PABPC1: variants seen among roughly 807,000 people sequenced by gnomAD.
PABPC1 encodes the protein poly(A) binding protein cytoplasmic 1, also known as polyadenylate-binding protein 1.
Under a neutral mutation model 74.0 loss-of-function variants are expected in PABPC1, and 4 were observed. That is an observed-to-expected ratio of 0.05 (90% CI 0.03 to 0.12). PABPC1 has a LOEUF of 0.12. PABPC1 is among the 10% of genes least tolerant of loss of function. The pLI, the probability that PABPC1 is intolerant of heterozygous loss-of-function variation, is 1.00. For missense variants in PABPC1, 271 were observed against 821.1 expected (o/e 0.33, Z 8.19); for synonymous variants, 227 against 264.1 (o/e 0.86, Z 1.36).
chr8:100,705,151 T>A, intron 12 of PABPC1, 95 bp from the exon 13 acceptor site: 1 of 959,572 alleles, frequency 1.0e-6, no homozygotes, highest in Non-Finnish European at 1.6e-6. Flanking sequence ...GAACCATACT[T>A]CTGTCTCACG....
intron 1 of PABPC1, among the ~76,000 whole-genome samples, chr8:100,718,987 T>C (rs1402802977): frequency 3.9e-5 from 6 of 152,222 alleles, no homozygotes; most frequent in African/African-American, 7.2e-5. Context: ...GAAATCACCA[T>C]TAACGCTCTC....
At chr8:100,705,475 T>C in intron 12 of PABPC1, 114 bp downstream of exon 12, 1 of 743,492 alleles carries the variant, frequency 1.3e-6, no homozygotes, top group Admixed American at 2.0e-5. Context: ...TAATCATTCA[T>C]GCCAATTCAG....
chr8:100,712,583 T>A (rs1810556430), intron 6 of PABPC1, 69 bp downstream of exon 6: 1 of 1,554,462 alleles, frequency 6.4e-7, no homozygotes, highest in Admixed American at 2.0e-5. Context: ...TACCTGGAAG[T>A]AACTGAAATC....
At chr8:100,705,528 C>G (rs1810357734) in intron 12 of PABPC1, 61 bp downstream of exon 12, 1 of 1,005,924 alleles carries the variant, frequency 9.9e-7, no homozygotes, top group South Asian at 1.3e-5. Flanking sequence ...GACCTAGTGC[C>G]TAAGTGATTC....
At chr8:100,716,809 G>A (rs1810682042) in intron 3 of PABPC1, among the ~76,000 whole-genome samples, 2 of 152,108 alleles carry the variant, frequency 1.3e-5, no homozygotes. Context: ...GCTTCCCAGT[G>A]GCTGGGAATA....
At position 100,704,398 on chromosome 8, in the gene PABPC1, A is replaced by AG. The variant is rs757581558; in HGVS notation, c.1819-9dup. Reference sequence around the variant, plus strand: ...AGCTACAGCTTCATCAACCTAAAAAAGGGGAAAACAGATAAACTGGTTCAG... The same window carrying AG: ...AGCTACAGCTTCATCAACCTAAAAAAGGGGGAAAACAGATAAACTGGTTCAG... On this transcript the variant is annotated splice_polypyrimidine_tract_variant and intron_variant, in intron 13 of 14. Coordinates refer to ENST00000318607, the MANE Select transcript of PABPC1 (RefSeq NM_002568.4). 2 of 1,604,668 alleles carry AG rather than the reference A, an allele frequency of 1.2e-6. No individual in the cohort carries two copies. Among genetic ancestry groups the AG allele is most frequent in the Admixed American group, 3.3e-5 (2 of 59,986 alleles).
intron 1 of PABPC1, among the ~76,000 whole-genome samples, chr8:100,719,830 C>T (rs1810768570): frequency 6.6e-6 from 1 of 152,158 alleles, no homozygotes; most frequent in South Asian, 2.1e-4. Flanking sequence ...ATAACCTGCC[C>T]CAAAGTTATC....
chr8:100,709,373 A>G, intron 8 of PABPC1, 86 bp downstream of exon 8: 1 of 1,528,160 alleles, frequency 6.5e-7, no homozygotes, highest in Non-Finnish European at 9.0e-7. Flanking sequence ...TTAATGTTTC[A>G]CATTTGCGGG....
At chr8:100,707,072 G>T (rs888711207) in intron 9 of PABPC1, 75 bp from the exon 10 acceptor site, 2 of 1,087,088 alleles carry the variant, frequency 1.8e-6, no homozygotes, top group Non-Finnish European at 2.7e-6. Flanking sequence ...TGTCTTCTTC[G>T]ATCTGAGGTT....
At chr8:100,718,055 G>A in intron 2 of PABPC1, 32 bp downstream of exon 2, 3 of 1,567,772 alleles carry the variant, frequency 1.9e-6, no homozygotes, top group Non-Finnish European at 2.6e-6. Context: ...GCTCAACAAT[G>A]TAAACATGTG....
At chr8:100,712,585 A>G in intron 6 of PABPC1, 67 bp downstream of exon 6, 1 of 1,553,316 alleles carries the variant, frequency 6.4e-7, no homozygotes, top group African/African-American at 1.4e-5. Context: ...CCTGGAAGTA[A>G]CTGAAATCAA....
chr8:100,721,251 G>T lies in PABPC1; in HGVS notation c.193+140C>A. 3.8e-6 allele frequency: 1 copy of T among 263,802 alleles called. No homozygotes were observed. The highest frequency in any genetic ancestry group is 6.1e-6 in the Non-Finnish European group (1 of 164,908). The allele number at this position is 263,802 out of a possible 1,614,324, so 16.3% of individuals were successfully genotyped here. On this transcript the variant is annotated intron_variant, in intron 1 of 14. Transcript: ENST00000318607. The surrounding 1 kb of genome is among the most constrained non-coding windows in gnomAD (Gnocchi z 7.4). ...CGGGAAACGCGGCTCCAGGGACCCC[G>T]GCGCCTTCCCGCCGGCCGTCGCGGG...
At chr8:100,707,032 G>C (rs1810398248) in intron 9 of PABPC1, 35 bp from the exon 10 acceptor site, 1 of 1,425,206 alleles carries the variant, frequency 7.0e-7, no homozygotes. Context: ...CATTAACTGG[G>C]AAAACTTACT....
intron 12 of PABPC1, among the ~76,000 whole-genome samples, chr8:100,705,304 C>CA (rs1019022043): frequency 6.6e-6 from 1 of 152,236 alleles, no homozygotes; most frequent in African/African-American, 2.4e-5. Context: ...GGTGTTCAGG[C>CA]AAAGTCACAA....
chr8:100,715,422 T>C (rs1003728880), intron 4 of PABPC1, 40 bp downstream of exon 4: 1 of 1,543,958 alleles, frequency 6.5e-7, no homozygotes, highest in Non-Finnish European at 8.8e-7. Flanking sequence ...GAGCACTAAT[T>C]CAGAGCTTTG....
intron 1 of PABPC1, 144 bp from the exon 2 acceptor site, chr8:100,718,424 C>T: frequency 1.6e-6 from 1 of 640,660 alleles, no homozygotes; most frequent in Non-Finnish European, 2.6e-6. Flanking sequence ...GATGGCTAGA[C>T]CTTTCAAGTA....
intron 7 of PABPC1, chr8:100,709,982 A>C (rs1487341353): frequency 8.0e-6 from 3 of 376,164 alleles, no homozygotes; most frequent in African/African-American, 6.1e-5. Context: ...GAAACTTTTA[A>C]AGATTTTAGA....
rs1810294055 is a variant in PABPC1 at position 100,703,347 on chromosome 8, G to A, written c.*14C>T. On this transcript the variant is annotated 3_prime_UTR_variant, in exon 15 of 15. Coordinates refer to ENST00000318607, the MANE Select transcript of PABPC1 (RefSeq NM_002568.4). ...GGTGAAGCACAAGTTTCTTTTCATGGTCCCTGATCAATCTGTAAATGTTAA... is the reference window on the plus strand; with the variant it reads ...GGTGAAGCACAAGTTTCTTTTCATGATCCCTGATCAATCTGTAAATGTTAA... 1 of 156,142 alleles carries A rather than the reference G, an allele frequency of 6.4e-6. No individual in the cohort carries two copies. Among genetic ancestry groups the A allele is most frequent in the Non-Finnish European group, 1.5e-5 (1 of 67,910 alleles). 9.7% of individuals were successfully genotyped at this position (156,142 alleles called of 1,614,324 possible). A position where few individuals can be genotyped will look rare whatever the true frequency, so the allele number is the denominator to read the frequency against.
Position 100,707,065 on chromosome 8 carries a change from C to T in PABPC1, c.1337-68G>A, listed in dbSNP as rs61615049. The T allele has an allele frequency of 0.012, 13,576 of 1,134,038 alleles. 1,015 individuals are homozygous for T. In the African/African-American group the frequency reaches 0.17, roughly 14 times the overall value. The allele number at this position is 1,134,038 out of a possible 1,614,324, so 70.2% of individuals were successfully genotyped here. ...ACTGAGTGAAAAGTGTTTATGCTGT[C>T]TTCTTCGATCTGAGGTTTGCATAAA... On this transcript the variant is annotated intron_variant, in intron 9 of 14. Coordinates refer to ENST00000318607, the MANE Select transcript of PABPC1 (RefSeq NM_002568.4).
Sources: allele counts gnomAD v4.1 joint callset (sites outside exome capture counted in the v4.1 genomes callset), GRCh38; gene constraint gnomAD v4.1.1; non-coding constraint Gnocchi (gnomAD v3.1); transcripts MANE v1.5; gene names NCBI Gene and HGNC (gene_info 2026-07-23, HGNC 2026-07-21).